The following GLG1 variants were observed in gnomAD, a reference collection of about 807,000 sequenced individuals.
GLG1 encodes Golgi apparatus protein 1.
A neutral mutation model predicts 160.5 loss-of-function variants in GLG1; 38 were observed. The observed-to-expected ratio is 0.24, with a 90% confidence interval of 0.18 to 0.31. GLG1 has a LOEUF of 0.31. Ranked by LOEUF, GLG1 falls within the 10% of genes least tolerant of loss-of-function variation. GLG1 has a pLI of 1.00. For missense variants in GLG1, 1,373 were observed against 1,505.2 expected, an observed-to-expected ratio of 0.91 and a Z score of 1.45; for synonymous variants, 644 against 543.4, an observed-to-expected ratio of 1.19 and a Z score of -2.57.
At chr16:74,591,089 T>C (rs1198772680) in intron 1 of GLG1, among the ~76,000 whole-genome samples, 1 of 152,128 alleles carries the variant, frequency 6.6e-6, no homozygotes, top group Non-Finnish European at 1.5e-5. Flanking sequence ...TCCCAGCACT[T>C]TGGGAGGCCA....
chr16:74,469,072 G>A lies in GLG1; in HGVS notation c.2319-9C>T, dbSNP rs1379672874. 47 of 1,600,156 alleles carry A rather than the reference G, an allele frequency of 2.9e-5. No individual in the cohort carries two copies. Among genetic ancestry groups the A allele is most frequent in the Non-Finnish European group, 3.4e-5 (40 of 1,167,320 alleles). Reference sequence around the variant, plus strand: ...AGATCACCACGTCCACCCTGCAGACGAAAGAAGCTTGAGGCTGGCTGGGGC... The same window carrying A: ...AGATCACCACGTCCACCCTGCAGACAAAAGAAGCTTGAGGCTGGCTGGGGC... On this transcript the variant is annotated splice_polypyrimidine_tract_variant and intron_variant, in intron 16 of 25. Coordinates refer to ENST00000422840, the MANE Select transcript of GLG1 (RefSeq NM_001145667.2).
At position 74,500,586 on chromosome 16, in the gene GLG1, TTCTGTAA is replaced by T. The variant is rs2016370148; in HGVS notation, c.774+2938_774+2944del. Reference sequence around the variant, plus strand: ...TCTCTATTTCAATCCTTCTGCTGTCTTCTGTAATCTACCTCACTAGATAAAGGAAAAA... The same window carrying T: ...TCTCTATTTCAATCCTTCTGCTGTCTTCTACCTCACTAGATAAAGGAAAAA... On this transcript the variant is annotated intron_variant, in intron 4 of 25. Coordinates refer to ENST00000422840, the MANE Select transcript of GLG1 (RefSeq NM_001145667.2). 2.0e-5 allele frequency among the ~76,000 whole-genome samples: 3 copies of T among 152,164 alleles called. No homozygotes were observed. In the South Asian group the frequency reaches 6.2e-4, roughly 32 times the overall value.
chr16:74,564,850 T>C (rs967022964), intron 1 of GLG1, among the ~76,000 whole-genome samples: 3 of 152,196 alleles, frequency 2.0e-5, no homozygotes, highest in African/African-American at 7.2e-5. Flanking sequence ...CCCAGGTTTT[T>C]TATTCCTTTC....
chr16:74,549,235 G>A (rs1181427054), intron 1 of GLG1, among the ~76,000 whole-genome samples: 2 of 151,714 alleles, frequency 1.3e-5, no homozygotes. Context: ...TATCTCTCTA[G>A]TAAAGTAATG....
At chr16:74,572,614 C>A (rs1046210907) in intron 1 of GLG1, among the ~76,000 whole-genome samples, 1 of 152,162 alleles carries the variant, frequency 6.6e-6, no homozygotes, top group African/African-American at 2.4e-5. Context: ...GAGTGGCCTG[C>A]CTGGAGAGGG....
chr16:74,575,242 T>C (rs924380457), intron 1 of GLG1, among the ~76,000 whole-genome samples: 1 of 151,788 alleles, frequency 6.6e-6, no homozygotes, highest in African/African-American at 2.4e-5. Context: ...CGAGACTCCA[T>C]CTGAAAAAAA....
chr16:74,496,680 T>C (rs771629575), intron 4 of GLG1, 36 bp from the exon 5 acceptor site: 5 of 1,322,702 alleles, frequency 3.8e-6, no homozygotes, highest in East Asian at 2.3e-5. Context: ...TTAAAACTTT[T>C]ATCACATGGG....
At chr16:74,536,128 G>A (rs964125367) in intron 1 of GLG1, among the ~76,000 whole-genome samples, 45 of 152,140 alleles carry the variant, frequency 3.0e-4, no homozygotes, top group African/African-American at 1.0e-3. Context: ...CTCAAGGAAC[G>A]AAAACAGATG....
chr16:74,564,123 G>C (rs1323556930), intron 1 of GLG1, among the ~76,000 whole-genome samples: 3 of 152,150 alleles, frequency 2.0e-5, no homozygotes, highest in Non-Finnish European at 4.4e-5. Flanking sequence ...GTCTTGCTAT[G>C]TTGCCTACGC....
At chr16:74,492,609 G>C (rs560501139) in intron 7 of GLG1, among the ~76,000 whole-genome samples, 1 of 151,506 alleles carries the variant, frequency 6.6e-6, no homozygotes, top group South Asian at 2.1e-4. Context: ...ACCTAAGTTT[G>C]GGAGTTCGAG....
chr16:74,523,240 C>A (rs1225195565), intron 2 of GLG1, among the ~76,000 whole-genome samples: 1 of 152,206 alleles, frequency 6.6e-6, no homozygotes, highest in Non-Finnish European at 1.5e-5. Context: ...ACATTTGGAT[C>A]TGCAGGGCAT....
At chr16:74,509,778 G>A (rs2016742663) in intron 2 of GLG1, among the ~76,000 whole-genome samples, 1 of 151,568 alleles carries the variant, frequency 6.6e-6, no homozygotes, top group African/African-American at 2.4e-5. Flanking sequence ...GAACACCGTA[G>A]GCAGAGGTTG....
intron 21 of GLG1, 117 bp downstream of exon 21, chr16:74,462,371 G>A: frequency 2.0e-6 from 2 of 1,002,272 alleles, no homozygotes. Context: ...CCCAGGTTCG[G>A]GAAGATATGA....
chr16:74,505,450 TG>T (rs1426388412), intron 3 of GLG1, among the ~76,000 whole-genome samples: 6 of 152,188 alleles, frequency 3.9e-5, no homozygotes, highest in African/African-American at 1.4e-4. Flanking sequence ...CTGGGCACGG[TG>T]GCTCATGTCC....
chr16:74,456,469 T>C, intron 25 of GLG1, 180 bp downstream of exon 25: 1 of 573,128 alleles, frequency 1.7e-6, no homozygotes, highest in Non-Finnish European at 3.0e-6. Flanking sequence ...CCTGACCACG[T>C]TTTCAAACGC....
intron 21 of GLG1, 136 bp downstream of exon 21, chr16:74,462,352 C>T: frequency 1.2e-6 from 1 of 864,966 alleles, no homozygotes; most frequent in Non-Finnish European, 1.9e-6. Flanking sequence ...TGATCTGGCC[C>T]CTTAGCCCCC....
At chr16:74,473,541 G>A (rs888558740) in intron 13 of GLG1, among the ~76,000 whole-genome samples, 11 of 147,276 alleles carry the variant, frequency 7.5e-5, no homozygotes, top group Non-Finnish European at 1.2e-4. Flanking sequence ...CCGGGTTCAC[G>A]CCACTCTCCT....
intron 17 of GLG1, chr16:74,468,418 T>G (rs1438590511): frequency 6.4e-6 from 1 of 155,294 alleles, no homozygotes; most frequent in African/African-American, 2.4e-5. Context: ...GTATTTTTAG[T>G]AGAGATGGGG....
At chr16:74,511,256 G>C (rs781403545) in intron 2 of GLG1, among the ~76,000 whole-genome samples, 3 of 152,156 alleles carry the variant, frequency 2.0e-5, no homozygotes, top group Non-Finnish European at 2.9e-5. Context: ...GAGTGCTGAG[G>C]AAGATCTGAA....
Sources: allele counts gnomAD v4.1 joint callset (sites outside exome capture counted in the v4.1 genomes callset), GRCh38; gene constraint gnomAD v4.1.1; transcripts MANE v1.5; gene names NCBI Gene and HGNC (gene_info 2026-07-23, HGNC 2026-07-21).